The following STPG1 variants were observed in gnomAD, a reference collection of about 807,000 sequenced individuals.
STPG1 encodes sperm tail PG-rich repeat containing 1, also known as O(6)-methylguanine-induced apoptosis 2.
STPG1 carries 33 observed loss-of-function variants against 40.1 expected under a neutral mutation model. That is an observed-to-expected ratio of 0.82 (90% CI 0.62 to 1.10). STPG1 has a LOEUF of 1.10. STPG1 is among the 50% of genes least tolerant of loss of function. The pLI, the probability that STPG1 is intolerant of heterozygous loss-of-function variation, is 0.00. For missense variants in STPG1, 396 were observed against 415.1 expected, an observed-to-expected ratio of 0.95 and a Z score of 0.40; for synonymous variants, 150 against 155.0, an observed-to-expected ratio of 0.97 and a Z score of 0.24.
intron 3 of STPG1, among the ~76,000 whole-genome samples, 194 bp from the exon 4 acceptor site, chr1:24,384,197 C>A (rs1021595768): frequency 1.3e-5 from 2 of 152,350 alleles, no homozygotes; most frequent in Middle Eastern, 6.8e-3. Flanking sequence ...AGTGGTGGGG[C>A]TGGAATTCCA....
rs1570088125 is a variant in STPG1, at chr1:24,399,263, C to G, written c.70+2056G>C. 3.3e-5 allele frequency among the ~76,000 whole-genome samples: 5 copies of G among 152,238 alleles called. No homozygotes were observed. The South Asian group carries it at 1.0e-3, about 32-fold the overall frequency. Reference sequence around the variant, plus strand: ...CAGAATAAATAATCAAGAAGCAGAGCTGCATATGCCTGGACACTTGATTTA... The same window carrying G: ...CAGAATAAATAATCAAGAAGCAGAGGTGCATATGCCTGGACACTTGATTTA... On this transcript the variant is annotated intron_variant, in intron 2 of 8. Coordinates refer to ENST00000337248, the MANE Select transcript of STPG1 (RefSeq NM_001199013.2). This position sits in a 1 kb window ranked among gnomAD's most constrained non-coding sequence, Gnocchi z 4.0.
chr1:24,378,985 C>A (rs933437181), intron 5 of STPG1, among the ~76,000 whole-genome samples: 1 of 152,208 alleles, frequency 6.6e-6, no homozygotes, highest in African/African-American at 2.4e-5. Context: ...CCTTGTGTGA[C>A]TGGTGCTGTC....
At position 24,379,676 on chromosome 1, in the gene STPG1, T is replaced by C. The variant is rs751583945; in HGVS notation, c.439A>G (p.Thr147Ala). ...ACATTGTAATAGTTTGGTGCAGGAG[T>C]TTCAAACTTGAGAGCTTTCATAAAG... ...PSFMKALKFE[T>A]PAPNYYNASV... The change falls in exon 5 of 9, where the codon ACT becomes GCT. Residue 147 changes from threonine to alanine, a missense_variant. Coordinates refer to ENST00000337248, the MANE Select transcript of STPG1 (RefSeq NM_001199013.2). 9 of 1,613,888 alleles carry C rather than the reference T, an allele frequency of 5.6e-6. No homozygotes were observed. Among genetic ancestry groups the C allele is most frequent in the Non-Finnish European group, 6.8e-6 (8 of 1,179,954 alleles).
chr1:24,360,440 C>T (rs561163461), intron 8 of STPG1, among the ~76,000 whole-genome samples: 61 of 151,924 alleles, frequency 4.0e-4, no homozygotes, highest in Non-Finnish European at 7.7e-4. Flanking sequence ...AGCGAGACTC[C>T]GTCTCAAAAA....
At chr1:24,360,232 G>C (rs1641013053) in intron 8 of STPG1, among the ~76,000 whole-genome samples, 2 of 152,186 alleles carry the variant, frequency 1.3e-5, no homozygotes, top group Non-Finnish European at 2.9e-5. Flanking sequence ...ACCAGTTGAG[G>C]TCAGGAGTTC....
At chr1:24,372,827 G>C (rs528955045) in intron 6 of STPG1, among the ~76,000 whole-genome samples, 1 of 152,270 alleles carries the variant, frequency 6.6e-6, no homozygotes, top group South Asian at 2.1e-4. Context: ...AAGGTTCCTG[G>C]GGCAGCTCTG....
At chr1:24,372,584 T>C (rs1263682430) in intron 6 of STPG1, among the ~76,000 whole-genome samples, 1 of 152,170 alleles carries the variant, frequency 6.6e-6, no homozygotes, top group Non-Finnish European at 1.5e-5. Context: ...TTCTTCTGTA[T>C]AAATAGACAA....
At chr1:24,410,266 C>T (rs1643564898) in intron 1 of STPG1, among the ~76,000 whole-genome samples, 1 of 152,134 alleles carries the variant, frequency 6.6e-6, no homozygotes, top group Non-Finnish European at 1.5e-5. Flanking sequence ...AATGTATGTA[C>T]ACTGTCAACA....
At chr1:24,377,311 T>C (rs1642074337) in intron 5 of STPG1, among the ~76,000 whole-genome samples, 1 of 152,078 alleles carries the variant, frequency 6.6e-6, no homozygotes, top group South Asian at 2.1e-4. Flanking sequence ...ATGGGCTTCC[T>C]AGGACCCAGA....
chr1:24,391,470 C>G (rs1642768489), intron 3 of STPG1, 91 bp downstream of exon 3: 1 of 827,300 alleles, frequency 1.2e-6, no homozygotes. Context: ...CCACTGTCCA[C>G]AGAAAGACAC....
intron 1 of STPG1, among the ~76,000 whole-genome samples, chr1:24,407,443 A>ATTT (rs71029547): frequency 3.8e-5 from 5 of 130,958 alleles, no homozygotes; most frequent in African/African-American, 1.1e-4. Flanking sequence ...AAGTTCACTG[A>ATTT]TTTTTTTTTT....
At chr1:24,364,763 T>G (rs2148680435) in intron 7 of STPG1, among the ~76,000 whole-genome samples, 1 of 152,272 alleles carries the variant, frequency 6.6e-6, no homozygotes, top group South Asian at 2.1e-4. Flanking sequence ...GACCAGGGCT[T>G]TTATGAGCCT....
At chr1:24,361,090 G>A (rs1350092816) in intron 7 of STPG1, 49 bp from the exon 8 acceptor site, 1 of 1,507,358 alleles carries the variant, frequency 6.6e-7, no homozygotes, top group Non-Finnish European at 9.0e-7. Context: ...GTCTAGTGGG[G>A]AAGGCACAGT....
At chr1:24,383,774 C>A in intron 4 of STPG1, 128 bp downstream of exon 4, 1 of 652,088 alleles carries the variant, frequency 1.5e-6, no homozygotes, top group Admixed American at 2.5e-5. Flanking sequence ...TTTGAGGAGG[C>A]AGTTACTCTC....
chr1:24,405,849 T>G (rs974436387), intron 1 of STPG1, among the ~76,000 whole-genome samples: 1 of 152,202 alleles, frequency 6.6e-6, no homozygotes, highest in Non-Finnish European at 1.5e-5. Flanking sequence ...TTTGGCTTTC[T>G]TTTGATTACT....
At chr1:24,396,299 C>CTATCTATCTATCTATCT (rs58386447) in intron 2 of STPG1, among the ~76,000 whole-genome samples, 1 of 144,356 alleles carries the variant, frequency 6.9e-6, no homozygotes, top group African/African-American at 2.9e-5. Context: ...ATCTATCTAT[C>CTATCTATCTATCTATCT]ATCTATCTAT....
At chr1:24,398,542 A>C (rs1484558523) in intron 2 of STPG1, among the ~76,000 whole-genome samples, 3 of 152,108 alleles carry the variant, frequency 2.0e-5, no homozygotes, top group African/African-American at 7.2e-5. Flanking sequence ...TATGGATGAG[A>C]AAGGAAGAAA....
chr1:24,391,908 TG>T, intron 2 of STPG1: 2 of 1,279,504 alleles, frequency 1.6e-6, no homozygotes, highest in Non-Finnish European at 2.0e-6. Flanking sequence ...TAGTGAGATG[TG>T]GTCACATAAA....
At position 24,372,785 on chromosome 1, in the gene STPG1, C is replaced by A. The variant is rs149884876; in HGVS notation, c.571+917G>T. Among the ~76,000 whole-genome samples, 21 of 152,282 alleles carry A rather than the reference C, an allele frequency of 1.4e-4. No homozygotes were observed. In the East Asian group the frequency reaches 3.5e-3, roughly 25 times the overall value. On this transcript the variant is annotated intron_variant, in intron 6 of 8. Transcript: ENST00000337248. Reference sequence around the variant, plus strand: ...AAGAGGCATGATTGCAGAAGCAAACCTTCCCTGCTCCTCCTCCTGCTTCTG... The same window carrying A: ...AAGAGGCATGATTGCAGAAGCAAACATTCCCTGCTCCTCCTCCTGCTTCTG...
Sources: allele counts gnomAD v4.1 joint callset (sites outside exome capture counted in the v4.1 genomes callset), GRCh38; gene constraint gnomAD v4.1.1; non-coding constraint Gnocchi (gnomAD v3.1); transcripts MANE v1.5; gene names NCBI Gene and HGNC (gene_info 2026-07-23, HGNC 2026-07-21).